The following EIF3B variants were observed in gnomAD, a reference collection of about 807,000 sequenced individuals.
EIF3B encodes eukaryotic translation initiation factor 3 subunit 9.
EIF3B carries 10 observed loss-of-function variants against 104.6 expected under a neutral mutation model. The ratio of observed to expected loss-of-function variants is 0.10; its 90% CI spans 0.06 to 0.16. The LOEUF (loss-of-function observed/expected upper bound fraction) is 0.16, where lower values mean the gene tolerates loss of function less well. Ranked by LOEUF, EIF3B falls within the 10% of genes least tolerant of loss-of-function variation. EIF3B has a pLI of 1.00. For missense variants in EIF3B, 1,014 were observed against 1,087.9 expected (o/e 0.93, Z 0.96); for synonymous variants, 542 against 417.2 (o/e 1.30, Z -3.65).
chr7:2,378,856 A>G (rs1383105145), intron 16 of EIF3B, 90 bp downstream of exon 16: 2 of 1,176,136 alleles, frequency 1.7e-6, no homozygotes, highest in African/African-American at 3.0e-5. Flanking sequence ...GTATGTGCTC[A>G]GAGTTGCCTC....
At chr7:2,371,894 C>G (rs774643456) in intron 11 of EIF3B, 45 bp downstream of exon 11, 2 of 1,478,250 alleles carry the variant, frequency 1.4e-6, no homozygotes, top group Admixed American at 3.3e-5. Flanking sequence ...GGCCTACGTG[C>G]TGTTTTACTC....
chr7:2,357,751 G>GGC (rs1779527707), intron 1 of EIF3B, among the ~76,000 whole-genome samples: 2 of 152,330 alleles, frequency 1.3e-5, no homozygotes, highest in South Asian at 4.1e-4. Context: ...GAGTGATCAA[G>GGC]GCGTTGTGTC....
chr7:2,368,155 T>A (rs938771940), intron 9 of EIF3B, among the ~76,000 whole-genome samples: 1 of 151,904 alleles, frequency 6.6e-6, no homozygotes, highest in Non-Finnish European at 1.5e-5. Flanking sequence ...TTTTTAAATC[T>A]TTTTTGAGAC....
chr7:2,378,811 A>G, intron 16 of EIF3B, 45 bp downstream of exon 16: 1 of 1,549,632 alleles, frequency 6.5e-7, no homozygotes, highest in African/African-American at 1.4e-5. Context: ...GACATCCGCC[A>G]TCATGGCAAA....
intron 2 of EIF3B, 43 bp downstream of exon 2, chr7:2,360,945 C>G (rs746895400): frequency 3.3e-6 from 5 of 1,500,144 alleles, no homozygotes; most frequent in Non-Finnish European, 4.6e-6. Context: ...GTGTCTGGCA[C>G]GTCATGATGA....
chr7:2,364,781 T>C lies in EIF3B; in HGVS notation c.1157+252T>C, dbSNP rs192762336. On this transcript the variant is annotated intron_variant, in intron 6 of 18. Transcript: ENST00000360876. ...ATGTCCCTTTAGCCCTGAATGTGTA[T>C]TCCTAGAAATAGGATTTTGTTAGTG... 2.2e-4 allele frequency among the ~76,000 whole-genome samples: 34 copies of C among 152,250 alleles called. 1 individual carries two copies. The highest frequency in any genetic ancestry group is 4.1e-4 in the Non-Finnish European group (28 of 68,048).
intron 4 of EIF3B, 120 bp from the exon 5 acceptor site, chr7:2,363,512 A>C: frequency 2.3e-6 from 2 of 865,680 alleles, no homozygotes; most frequent in Non-Finnish European, 3.5e-6. Flanking sequence ...ACTTGAGGTT[A>C]GGGTGTGACT....
chr7:2,354,862 G>T lies in EIF3B; in HGVS notation c.-60G>T. On this transcript the variant is annotated 5_prime_UTR_variant, in exon 1 of 19. Coordinates refer to ENST00000360876, the MANE Select transcript of EIF3B (RefSeq NM_001037283.2). ...TGTAGCCGTCGCGGCGCGCGGTGCG[G>T]CCTGGGAGAGTCGGAAGCGCGGCGG... 3 of 1,100,324 alleles carry T rather than the reference G, an allele frequency of 2.7e-6. No individual in the cohort carries two copies. The highest frequency in any genetic ancestry group is 3.3e-6 in the Non-Finnish European group (3 of 904,414). The allele number at this position is 1,100,324 out of a possible 1,614,324, so 68.2% of individuals were successfully genotyped here. A position where few individuals can be genotyped will look rare whatever the true frequency, so the allele number is the denominator to read the frequency against.
chr7:2,375,129 A>G, intron 13 of EIF3B: 1 of 498,862 alleles, frequency 2.0e-6, no homozygotes, highest in Non-Finnish European at 3.6e-6. Context: ...TTGCTACTGT[A>G]TTTTTGGAGG....
intron 2 of EIF3B, 116 bp from the exon 3 acceptor site, chr7:2,362,529 A>G (rs1027444326): frequency 5.0e-5 from 66 of 1,321,236 alleles, no homozygotes; most frequent in Non-Finnish European, 6.6e-5. Flanking sequence ...AGGCAGGAAG[A>G]GCAGCACAGA....
intron 9 of EIF3B, among the ~76,000 whole-genome samples, chr7:2,369,224 G>A (rs1363203046): frequency 1.2e-4 from 19 of 152,190 alleles, no homozygotes; most frequent in Admixed American, 1.2e-3. Flanking sequence ...GCGTGATGGT[G>A]GGGTTGCTAA....
intron 4 of EIF3B, 111 bp from the exon 5 acceptor site, chr7:2,363,521 C>T (rs2115297150): frequency 1.0e-6 from 1 of 965,978 alleles, no homozygotes; most frequent in Middle Eastern, 2.2e-4. Flanking sequence ...TAGGGTGTGA[C>T]TTGGGAGTTA....
At chr7:2,364,130 C>G (rs890290916) in intron 5 of EIF3B, among the ~76,000 whole-genome samples, 2 of 152,156 alleles carry the variant, frequency 1.3e-5, no homozygotes, top group Non-Finnish European at 2.9e-5. Flanking sequence ...GGCATGGTGG[C>G]AGGCACCTGT....
At chr7:2,361,564 C>T (rs1779727614) in intron 2 of EIF3B, among the ~76,000 whole-genome samples, 1 of 152,080 alleles carries the variant, frequency 6.6e-6, no homozygotes, top group Non-Finnish European at 1.5e-5. Flanking sequence ...GGACTACTGG[C>T]GCCCGCTACC....
At chr7:2,365,659 GTTTGTTTGTTTGTTTGTTTTGT>G in intron 6 of EIF3B, among the ~76,000 whole-genome samples, 1 of 91,778 alleles carries the variant, frequency 1.1e-5, no homozygotes, top group East Asian at 2.9e-4. Flanking sequence ...TTTTTTGTTT[GTTTGTTTGTTTGTTTGTTTTGT>G]TTTTTTTTTT....
rs774652838 is a variant in EIF3B, at chr7:2,362,702, C to T, written c.750C>T (p.Ala250=). 37 of 1,614,074 alleles carry T rather than the reference C, an allele frequency of 2.3e-5. No individual in the cohort carries two copies. Among genetic ancestry groups the T allele is most frequent in the Non-Finnish European group, 2.9e-5 (34 of 1,180,036 alleles). ...PAHAVDAVKN[A]DGYKLDKQHT... Reference sequence around the variant, plus strand: ...ACGCTGTGGATGCTGTGAAGAACGCCGACGGCTACAAGCTTGACAAGCAGC... The same window carrying T: ...ACGCTGTGGATGCTGTGAAGAACGCTGACGGCTACAAGCTTGACAAGCAGC... The change falls in exon 3 of 19, where the codon GCC becomes GCT. Residue 250 remains alanine, a synonymous_variant. Transcript: ENST00000360876.
In EIF3B at chr7:2,367,048, G is replaced by A. The variant is rs1426354358; in HGVS notation, c.1403+3G>A. ...AGTTTGAAGATCTCTGGGATAAAGT[G>A]AGTATTCTTATCAGTTTGGTGTCTT... On this transcript the variant is annotated splice_donor_region_variant and intron_variant, in intron 9 of 18. Transcript: ENST00000360876. The A allele has an allele frequency of 6.2e-7, 1 of 1,610,938 alleles. No individual in the cohort carries two copies. Among genetic ancestry groups the A allele is most frequent in the Non-Finnish European group, 8.5e-7 (1 of 1,178,918 alleles).
chr7:2,375,425 C>T lies in EIF3B; in HGVS notation c.1926C>T (p.Asp642=), dbSNP rs781147098. Residue 642 remains aspartate, a synonymous_variant, in exon 14 of 19, where the codon GAC becomes GAT. Transcript: ENST00000360876. Reference sequence around the variant, plus strand: ...CCTTAGCGTTTGTGGACACTTCGGACTGCACGGTCATGAACATCGCAGAGC... The same window carrying T: ...CCTTAGCGTTTGTGGACACTTCGGATTGCACGGTCATGAACATCGCAGAGC... ...NGALAFVDTS[D]CTVMNIAEHY... 1.3e-5 allele frequency: 21 copies of T among 1,614,218 alleles called. No homozygotes were observed. The South Asian group carries it at 2.2e-4, about 17-fold the overall frequency.
intron 1 of EIF3B, 92 bp downstream of exon 1, chr7:2,355,512 C>T: frequency 2.2e-6 from 3 of 1,383,666 alleles, no homozygotes; most frequent in Non-Finnish European, 2.8e-6. Flanking sequence ...GCCACCGGTT[C>T]GTGCAGAAGT....
Sources: allele counts gnomAD v4.1 joint callset (sites outside exome capture counted in the v4.1 genomes callset), GRCh38; gene constraint gnomAD v4.1.1; transcripts MANE v1.5; gene names NCBI Gene and HGNC (gene_info 2026-07-23, HGNC 2026-07-21).